CTNNA2: variants seen among roughly 807,000 people sequenced by gnomAD.
CTNNA2 encodes catenin alpha-2.
In CTNNA2, 42 loss-of-function variants were observed where a neutral mutation model predicts 101.0. The observed-to-expected ratio is 0.42, with a 90% CI of 0.32 to 0.54. The LOEUF is 0.54. Among genes scored for constraint, CTNNA2 ranks in the 20% least tolerant of loss-of-function variants. The pLI is 0.14. For missense variants in CTNNA2, 871 were observed against 1,223.1 expected (o/e 0.71, Z 4.29); for synonymous variants, 450 against 456.4 (o/e 0.99, Z 0.18).
intron 2 of CTNNA2, among the ~76,000 whole-genome samples, chr2:79,654,317 T>A (rs2104490896): frequency 6.6e-6 from 1 of 152,308 alleles, no homozygotes; most frequent in South Asian, 2.1e-4. Flanking sequence ...ATGTATTAGC[T>A]TAATATAAAA....
At position 80,395,923 on chromosome 2, in the gene CTNNA2, C is replaced by G. The variant is rs1034757397; in HGVS notation, c.1137+2632C>G. On this transcript the variant is annotated intron_variant, in intron 8 of 18. Coordinates refer to ENST00000402739, the MANE Select transcript of CTNNA2 (RefSeq NM_001282597.3). ...ATATTTCTAGTGACATCCATCATGT[C>G]CCGCTCTTTCAGTCTCCTGCCTCCT... 2.0e-5 allele frequency among the ~76,000 whole-genome samples: 3 copies of G among 152,256 alleles called. No individual in the cohort carries two copies. In the East Asian group the frequency reaches 5.8e-4, roughly 30 times the overall value.
chr2:79,727,564 TTTTTATTTTA>T (rs1220016060), intron 2 of CTNNA2, among the ~76,000 whole-genome samples: 1 of 152,096 alleles, frequency 6.6e-6, no homozygotes, highest in African/African-American at 2.4e-5. Flanking sequence ...GATATTTCTT[TTTTTATTTTA>T]TTTTATTTTA....
At chr2:79,306,333 T>C (rs1358153316) in intron 2 of CTNNA2, among the ~76,000 whole-genome samples, 1 of 152,168 alleles carries the variant, frequency 6.6e-6, no homozygotes, top group African/African-American at 2.4e-5. Context: ...TATTATATAT[T>C]TGAAAATTAC....
At chr2:79,431,338 A>G (rs1482044874) in intron 4 of CTNNA2, among the ~76,000 whole-genome samples, 6 of 152,110 alleles carry the variant, frequency 3.9e-5, no homozygotes, top group Non-Finnish European at 5.9e-5. Flanking sequence ...GCAGGAAAAG[A>G]CCCCAGAGTT....
chr2:80,065,315 G>T (rs1006039674), intron 7 of CTNNA2, among the ~76,000 whole-genome samples: 2 of 151,926 alleles, frequency 1.3e-5, no homozygotes, highest in African/African-American at 4.8e-5. Context: ...AGTGGTAAAG[G>T]CCATTGTATC....
Position 79,973,417 on chromosome 2 carries a change from A to G in CTNNA2, c.1056+63620A>G, listed in dbSNP as rs775410955. Among the ~76,000 whole-genome samples, 5 of 152,174 alleles carry G rather than the reference A, an allele frequency of 3.3e-5. 1 individual carries two copies. Among genetic ancestry groups the G allele is most frequent in the Non-Finnish European group, 7.3e-5 (5 of 68,042 alleles). On this transcript the variant is annotated intron_variant, in intron 7 of 18. Coordinates refer to ENST00000402739, the MANE Select transcript of CTNNA2 (RefSeq NM_001282597.3). ...TGTTGGGTACTTGCAAGCTAGAGATATTATTATCACTTCCATGTAGAGGAG... is the reference window on the plus strand; with the variant it reads ...TGTTGGGTACTTGCAAGCTAGAGATGTTATTATCACTTCCATGTAGAGGAG...
At chr2:80,401,212 G>A (rs1678515646) in intron 8 of CTNNA2, among the ~76,000 whole-genome samples, 1 of 152,104 alleles carries the variant, frequency 6.6e-6, no homozygotes, top group Admixed American at 6.5e-5. Flanking sequence ...TAATATCCTA[G>A]TGCCCAAAAT....
chr2:79,794,648 T>A (rs1675556052), intron 3 of CTNNA2, among the ~76,000 whole-genome samples: 1 of 152,202 alleles, frequency 6.6e-6, no homozygotes, highest in Admixed American at 6.5e-5. Flanking sequence ...AATTATAGGT[T>A]CTATGCTGTA....
intron 3 of CTNNA2, among the ~76,000 whole-genome samples, chr2:79,821,365 T>C (rs1466079242): frequency 6.6e-6 from 1 of 152,068 alleles, no homozygotes; most frequent in Non-Finnish European, 1.5e-5. Flanking sequence ...TGCATCACCA[T>C]TTCTGGCTAG....
intron 9 of CTNNA2, among the ~76,000 whole-genome samples, chr2:80,436,450 G>T (rs1682035755): frequency 6.6e-6 from 1 of 150,566 alleles, no homozygotes; most frequent in Non-Finnish European, 1.5e-5. Flanking sequence ...CTGGGGGGTG[G>T]TGGGGGAAAC....
intron 1 of CTNNA2, among the ~76,000 whole-genome samples, chr2:79,633,038 A>G (rs1459302135): frequency 6.6e-6 from 1 of 152,234 alleles, no homozygotes; most frequent in Non-Finnish European, 1.5e-5. Context: ...CCCCTTCAAA[A>G]GTACCACAAG....
rs778511442 is a variant in CTNNA2, at chr2:80,251,970, A to G, written c.1057-141241A>G. Among the ~76,000 whole-genome samples the G allele has an allele frequency of 5.9e-5, 9 of 152,336 alleles. 1 individual carries two copies. Among genetic ancestry groups the G allele is most frequent in the Admixed American group, 1.3e-4 (2 of 15,296 alleles). On this transcript the variant is annotated intron_variant, in intron 7 of 18. Transcript: ENST00000402739. The stretch of plus-strand genomic sequence containing the variant: ...AGTTATTTTAATTAATTTTCAGTCA[A>G]AAGAAGTTGATTTAATCCACATTAT...
chr2:80,041,532 C>A (rs1696056185), intron 7 of CTNNA2, among the ~76,000 whole-genome samples: 1 of 152,040 alleles, frequency 6.6e-6, no homozygotes, highest in South Asian at 2.1e-4. Context: ...CACTACCTAG[C>A]AAAATTTTGA....
chr2:79,280,663 A>AGAGAGAG (rs1238782976), intron 2 of CTNNA2, among the ~76,000 whole-genome samples: 49 of 49,322 alleles, frequency 9.9e-4, no homozygotes, highest in Middle Eastern at 9.4e-3. Flanking sequence ...GTGTAAGAGA[A>AGAGAGAG]AGAGAGAGAG....
intron 2 of CTNNA2, among the ~76,000 whole-genome samples, chr2:79,242,793 C>T (rs1329243333): frequency 6.6e-6 from 1 of 151,806 alleles, no homozygotes; most frequent in Admixed American, 6.6e-5. Context: ...CATAGGGAGA[C>T]TCCATCTCTA....
intron 7 of CTNNA2, among the ~76,000 whole-genome samples, chr2:80,042,395 G>A (rs538018703): frequency 2.0e-5 from 3 of 152,080 alleles, no homozygotes; most frequent in Non-Finnish European, 2.9e-5. Flanking sequence ...GTTGAGAATC[G>A]GGTTTAATAA....
chr2:80,097,146 G>A (rs948905948), intron 7 of CTNNA2, among the ~76,000 whole-genome samples: 93 of 152,210 alleles, frequency 6.1e-4, no homozygotes, highest in Middle Eastern at 6.8e-3. Flanking sequence ...GGCTGGTACC[G>A]GTTGTTCCTT....
chr2:79,892,413 T>TA (rs1684373706), intron 6 of CTNNA2, among the ~76,000 whole-genome samples: 1 of 151,588 alleles, frequency 6.6e-6, no homozygotes, highest in Non-Finnish European at 1.5e-5. Context: ...TCATTACCTG[T>TA]ATTAAAAAAA....
intron 7 of CTNNA2, among the ~76,000 whole-genome samples, chr2:80,055,551 G>A (rs182389306): frequency 2.6e-4 from 39 of 152,174 alleles, no homozygotes; most frequent in Middle Eastern, 6.8e-3. Flanking sequence ...TAAAAATTGA[G>A]CACTTTCATA....
Sources: gnomAD v4.1 joint callset for allele counts (sites outside exome capture counted in the v4.1 genomes callset) on GRCh38, gnomAD v4.1.1 for gene constraint, MANE v1.5 for transcripts, NCBI Gene and HGNC (gene_info 2026-07-23, HGNC 2026-07-21) for gene names.